The following NYAP2 variants were observed in gnomAD, a reference collection of about 807,000 sequenced individuals.
NYAP2 encodes neuronal tyrosine-phosphorylated phosphoinositide-3-kinase adapter 2.
Under a neutral mutation model 50.4 loss-of-function variants are expected in NYAP2, and 23 were observed. That is an observed-to-expected ratio of 0.46 (90% CI 0.33 to 0.65). The LOEUF is 0.65. Among genes scored for constraint, NYAP2 ranks in the 30% least tolerant of loss-of-function variants. NYAP2 has a pLI of 0.02. For synonymous variants in NYAP2, 394 were observed against 365.2 expected (o/e 1.08, Z -0.90); for missense variants, 885 against 861.0 (o/e 1.03, Z -0.35).
the NYAP2 span, among the ~76,000 whole-genome samples, chr2:225,671,002 G>A: frequency 6.6e-6 from 1 of 152,060 alleles, no homozygotes; most frequent in African/African-American, 2.4e-5. Flanking sequence ...CTATGTTTTT[G>A]CCAGTAGAAG....
intron 6 of NYAP2, among the ~76,000 whole-genome samples, chr2:225,638,148 T>A (rs561832682): frequency 1.6e-5 from 2 of 122,076 alleles, no homozygotes; most frequent in African/African-American, 7.0e-5. Flanking sequence ...TTAAACAGAC[T>A]CGTGTGTTTG....
chr2:225,484,308 A>T (rs550832373), intron 3 of NYAP2, among the ~76,000 whole-genome samples: 9 of 152,186 alleles, frequency 5.9e-5, no homozygotes, highest in Non-Finnish European at 1.2e-4. Flanking sequence ...ACACGTCCCA[A>T]ATGATTAGTT....
At chr2:225,471,234 T>C (rs1489342989) in intron 3 of NYAP2, among the ~76,000 whole-genome samples, 2 of 152,196 alleles carry the variant, frequency 1.3e-5, no homozygotes, top group Non-Finnish European at 2.9e-5. Context: ...TAAAATCCAG[T>C]CCTGAACAGC....
chr2:225,478,851 C>G (rs1240589087), intron 3 of NYAP2, among the ~76,000 whole-genome samples: 2 of 152,140 alleles, frequency 1.3e-5, no homozygotes, highest in African/African-American at 4.8e-5. Context: ...CAAAATATCT[C>G]TTGTATCACC....
chr2:225,647,461 G>A (rs534157432), intron 6 of NYAP2, among the ~76,000 whole-genome samples: 30 of 152,232 alleles, frequency 2.0e-4, no homozygotes, highest in African/African-American at 4.1e-4. Flanking sequence ...TTAAACACCC[G>A]CACAAAATCA....
At chr2:225,602,363 C>A (rs906891798) in intron 5 of NYAP2, among the ~76,000 whole-genome samples, 17 of 151,778 alleles carry the variant, frequency 1.1e-4, no homozygotes, top group Admixed American at 1.3e-4. Flanking sequence ...GAAATATGTC[C>A]AAAAAAGGGT....
intron 4 of NYAP2, among the ~76,000 whole-genome samples, chr2:225,569,030 T>C (rs1425300237): frequency 6.6e-6 from 1 of 152,216 alleles, no homozygotes; most frequent in East Asian, 1.9e-4. Flanking sequence ...CAGATGTTTA[T>C]ATAAATTTCT....
chr2:225,472,645 C>T (rs1435302760), intron 3 of NYAP2, among the ~76,000 whole-genome samples: 1 of 152,150 alleles, frequency 6.6e-6, no homozygotes, highest in Non-Finnish European at 1.5e-5. Context: ...ATAGGAAGTT[C>T]ATCATCGTTA....
chr2:225,639,219 G>C (rs1382015844), intron 6 of NYAP2, among the ~76,000 whole-genome samples: 1 of 152,144 alleles, frequency 6.6e-6, no homozygotes, highest in Non-Finnish European at 1.5e-5. Context: ...CAAACAAACA[G>C]TTAAATTGAC....
chr2:225,616,314 GA>G (rs1382488320), intron 5 of NYAP2, among the ~76,000 whole-genome samples: 16 of 152,168 alleles, frequency 1.1e-4, no homozygotes, highest in African/African-American at 3.9e-4. Flanking sequence ...AAGGAATAAT[GA>G]AATATAAAAA....
chr2:225,472,096 A>G (rs1690020426), intron 3 of NYAP2, among the ~76,000 whole-genome samples: 1 of 152,184 alleles, frequency 6.6e-6, no homozygotes, highest in South Asian at 2.1e-4. Context: ...ATTTTAAGTG[A>G]CTTGCTTAAA....
chr2:225,405,026 A>G (rs1458385079), intron 2 of NYAP2, among the ~76,000 whole-genome samples: 1 of 152,102 alleles, frequency 6.6e-6, no homozygotes, highest in Non-Finnish European at 1.5e-5. Context: ...TGCATTGCAA[A>G]GAGAACACAT....
At chr2:225,517,270 G>A (rs1009100555) in intron 4 of NYAP2, among the ~76,000 whole-genome samples, 2 of 152,052 alleles carry the variant, frequency 1.3e-5, no homozygotes, top group Middle Eastern at 3.2e-3. Flanking sequence ...CTTCAGTGTG[G>A]TTCCTGCTTA....
chr2:225,672,964 TGTTTTA>T, the NYAP2 span, among the ~76,000 whole-genome samples: 1 of 151,732 alleles, frequency 6.6e-6, no homozygotes, highest in Non-Finnish European at 1.5e-5. Flanking sequence ...ACAGATATAA[TGTTTTA>T]GTCTGTTCTC....
At chr2:225,608,154 G>A (rs1195767436) in intron 5 of NYAP2, among the ~76,000 whole-genome samples, 1 of 152,044 alleles carries the variant, frequency 6.6e-6, no homozygotes, top group African/African-American at 2.4e-5. Flanking sequence ...CAAATTCTGT[G>A]GCATTGGATG....
intron 4 of NYAP2, among the ~76,000 whole-genome samples, chr2:225,578,842 G>A: frequency 6.6e-6 from 1 of 152,022 alleles, no homozygotes; most frequent in Admixed American, 6.6e-5. Flanking sequence ...TGTTGTCTTA[G>A]GTAGCTAAGC....
chr2:225,690,354 C>G, the NYAP2 span, among the ~76,000 whole-genome samples: 1 of 151,972 alleles, frequency 6.6e-6, no homozygotes. Context: ...AATATGCTGA[C>G]AAGTGCAGAA....
chr2:225,675,122 T>C, the NYAP2 span, among the ~76,000 whole-genome samples: 27 of 152,116 alleles, frequency 1.8e-4, no homozygotes, highest in Admixed American at 4.6e-4. Flanking sequence ...GGTAAAAGAA[T>C]TTCCATCGAA....
chr2:225,524,575 T>C (rs1691120197), intron 4 of NYAP2, among the ~76,000 whole-genome samples: 1 of 152,056 alleles, frequency 6.6e-6, no homozygotes, highest in South Asian at 2.1e-4. Context: ...GATCCATACC[T>C]CTCAGCATAT....
Sources: allele counts gnomAD v4.1 joint callset (sites outside exome capture counted in the v4.1 genomes callset), GRCh38; gene constraint gnomAD v4.1.1; transcripts MANE v1.5; gene names NCBI Gene and HGNC (gene_info 2026-07-23, HGNC 2026-07-21).